SYNE2: variants seen among roughly 807,000 people sequenced by gnomAD.
The protein encoded by SYNE2 is spectrin repeat containing nuclear envelope protein 2, also known as nesprin-2.
Under a neutral mutation model 856.3 loss-of-function variants are expected in SYNE2, and 431 were observed. The observed-to-expected ratio is 0.50, with a 90% confidence interval of 0.47 to 0.55. The LOEUF is 0.55. Among genes scored for constraint, SYNE2 ranks in the 20% least tolerant of loss-of-function variants. SYNE2 has a pLI of 0.00. For missense variants in SYNE2, 8,129 were observed against 8,023.2 expected, an observed-to-expected ratio of 1.01 and a Z score of -0.50; for synonymous variants, 2,923 against 2,872.3, an observed-to-expected ratio of 1.02 and a Z score of -0.56.
At chr14:63,957,072 G>A (rs2096249488) in intron 8 of SYNE2, among the ~76,000 whole-genome samples, 2 of 150,964 alleles carry the variant, frequency 1.3e-5, no homozygotes, top group Non-Finnish European at 2.9e-5. Context: ...TTAGCAAAAT[G>A]TCTGCAAGGT....
chr14:63,882,110 A>AGGAAGTG (rs2094879187), intron 1 of SYNE2, among the ~76,000 whole-genome samples: 1 of 152,148 alleles, frequency 6.6e-6, no homozygotes, highest in Admixed American at 6.6e-5. Flanking sequence ...GTAATAGCAG[A>AGGAAGTG]GGAAGTGGAA....
chr14:63,950,117 C>G, intron 7 of SYNE2, 111 bp downstream of exon 7: 2 of 1,202,362 alleles, frequency 1.7e-6, no homozygotes, highest in Admixed American at 1.7e-5. Flanking sequence ...CACTATCCCC[C>G]TTCCTCTCTG....
At chr14:64,190,802 A>G (rs2098514680) in intron 99 of SYNE2, 2 of 664,690 alleles carry the variant, frequency 3.0e-6, no homozygotes, top group South Asian at 3.3e-5. Flanking sequence ...CACAAATCAA[A>G]GCTATATTGG....
At chr14:64,165,584 C>G (rs2098371528) in intron 90 of SYNE2, among the ~76,000 whole-genome samples, 174 bp downstream of exon 90, 1 of 151,426 alleles carries the variant, frequency 6.6e-6, no homozygotes, top group Non-Finnish European at 1.5e-5. Flanking sequence ...ACGATCTCGG[C>G]TCACTGCAAC....
At chr14:64,165,518 ATT>A (rs772613295) in intron 90 of SYNE2, 108 bp downstream of exon 90, 255 of 1,036,018 alleles carry the variant, frequency 2.5e-4, no homozygotes, top group Non-Finnish European at 2.8e-4. Flanking sequence ...ACTCACTCTT[ATT>A]TTTTTTTTTT....
intron 8 of SYNE2, among the ~76,000 whole-genome samples, chr14:63,958,885 A>T (rs557002132): frequency 1.3e-4 from 20 of 152,328 alleles, no homozygotes; most frequent in Non-Finnish European, 2.1e-4. Flanking sequence ...TCAATTTTTT[A>T]AAAAGTCCTC....
In SYNE2 at chr14:64,031,305, C is replaced by T. The variant is rs763502918; in HGVS notation, c.7169C>T (p.Thr2390Ile). Reference sequence around the variant, plus strand: ...GCCACTTCTGATGTGCAGGAGTCTACTCAGGAATCAGCTGCAGTGGAAAAG... The same window carrying T: ...GCCACTTCTGATGTGCAGGAGTCTATTCAGGAATCAGCTGCAGTGGAAAAG... Reference protein sequence around the residue: ...KQATSDVQESTQESAAVEKLE... With the variant: ...KQATSDVQESIQESAAVEKLE... The change falls in exon 45 of 116, where the codon ACT becomes ATT. Residue 2390 changes from threonine (T) to isoleucine (I), a missense_variant. Physicochemically the swap from Thr to Ile is moderately conservative, Grantham distance 89. This residue lies in a region of SYNE2 where 297 missense variants were observed against 380.9 expected (regional missense o/e 0.78). Transcript: ENST00000555002. 8.7e-6 allele frequency: 14 copies of T among 1,614,124 alleles called. No homozygotes were observed. Among genetic ancestry groups the T allele is most frequent in the Non-Finnish European group, 2.5e-6 (3 of 1,180,028 alleles).
intron 83 of SYNE2, 38 bp downstream of exon 83, chr14:64,143,986 C>G: frequency 6.2e-7 from 1 of 1,611,194 alleles, no homozygotes; most frequent in East Asian, 2.2e-5. Context: ...GTGGTTTGAC[C>G]TTTATGAAAC....
Position 64,087,797 on chromosome 14 carries a change from GT to G in SYNE2, c.11612del (p.Val3871GlufsTer8). 1.2e-6 allele frequency: 2 copies of G among 1,614,100 alleles called. No individual in the cohort carries two copies. The highest frequency in any genetic ancestry group is 1.7e-6 in the Non-Finnish European group (2 of 1,180,000). The part of the protein sequence containing the change: ...TQSIQELSNQ[V>X]TALQQKIMES... ...ATCCATACAAGAGTTAAGTAATCAAGTAACAGCTTTACAACAAAAAATAATG... is the reference window on the plus strand; with the variant it reads ...ATCCATACAAGAGTTAAGTAATCAAGAACAGCTTTACAACAAAAAATAATG... On this transcript the variant is annotated frameshift_variant, in exon 58 of 116. Coordinates refer to ENST00000555002, the MANE Select transcript of SYNE2 (RefSeq NM_182914.3). LOFTEE classifies it high-confidence loss of function.
intron 30 of SYNE2, among the ~76,000 whole-genome samples, chr14:64,004,637 C>T (rs1241142947): frequency 6.6e-6 from 1 of 152,128 alleles, no homozygotes; most frequent in South Asian, 2.1e-4. Flanking sequence ...GCCTCTTCCC[C>T]CCTTTCTAAA....
Position 64,220,330 on chromosome 14 carries a change from CG to C in SYNE2, c.19861-106del, listed in dbSNP as rs968238448. ...GCGAGGTCACTCTCATTTCTGTGGC[CG>C]CAGCTTGGAAAAGTGTGTGGAAAAT... On this transcript the variant is annotated intron_variant, in intron 110 of 115. Coordinates refer to ENST00000555002, the MANE Select transcript of SYNE2 (RefSeq NM_182914.3). The C allele has an allele frequency of 1.3e-5, 16 of 1,237,240 alleles. No homozygotes were observed. In the African/African-American group the frequency reaches 2.1e-4, roughly 16 times the overall value. The allele number at this position is 1,237,240 out of a possible 1,614,324, so 76.6% of individuals were successfully genotyped here. A position where few individuals can be genotyped will look rare whatever the true frequency, so the allele number is the denominator to read the frequency against.
rs2098511174 is a variant in SYNE2, at chr14:64,190,097, T to G, written c.17898T>G (p.Phe5966Leu). ...QKDCMEEINLFSENKLQLKQM... is the reference protein window; with the variant it reads ...QKDCMEEINLLSENKLQLKQM... ...ACTGCATGGAAGAAATAAACTTGTTTAGTGAAAACAAGTTACAGTTAAAGC... is the reference window on the plus strand; with the variant it reads ...ACTGCATGGAAGAAATAAACTTGTTGAGTGAAAACAAGTTACAGTTAAAGC... The change falls in exon 99 of 116, where the codon TTT becomes TTG. Residue 5966 changes from phenylalanine (F) to leucine (L), a missense_variant. This residue lies in a region of SYNE2 where 5,410 missense variants were observed against 5,284.8 expected (regional missense o/e 1.02). Coordinates refer to ENST00000555002, the MANE Select transcript of SYNE2 (RefSeq NM_182914.3). 2 of 1,614,098 alleles carry G rather than the reference T, an allele frequency of 1.2e-6. No homozygotes were observed. Among genetic ancestry groups the G allele is most frequent in the East Asian group, 4.5e-5 (2 of 44,890 alleles).
At chr14:63,793,810 T>G (rs1887824942) in intron 1 of SYNE2, among the ~76,000 whole-genome samples, 1 of 151,056 alleles carries the variant, frequency 6.6e-6, no homozygotes, top group Non-Finnish European at 1.5e-5. Context: ...TGGTGGCACA[T>G]GCCTTTGGTC....
intron 41 of SYNE2, 69 bp downstream of exon 41, chr14:64,025,490 C>T: frequency 6.8e-7 from 1 of 1,460,814 alleles, no homozygotes; most frequent in South Asian, 1.2e-5. Flanking sequence ...TAGAGGAAAA[C>T]TGTAAAGATG....
chr14:63,797,261 TG>T (rs1887953863), intron 1 of SYNE2, among the ~76,000 whole-genome samples: 1 of 150,898 alleles, frequency 6.6e-6, no homozygotes, highest in Non-Finnish European at 1.5e-5. Flanking sequence ...CATGGTGGCG[TG>T]TGCCCGTAAA....
chr14:63,832,866 C>CAAAA (rs36099684), intron 1 of SYNE2, among the ~76,000 whole-genome samples: 19 of 64,730 alleles, frequency 2.9e-4, no homozygotes, highest in African/African-American at 1.0e-3. Flanking sequence ...CTGTCTCTAC[C>CAAAA]AAAAAAAAAA....
chr14:64,004,792 A>G (rs1023861428), intron 30 of SYNE2, among the ~76,000 whole-genome samples: 1 of 152,126 alleles, frequency 6.6e-6, no homozygotes, highest in Non-Finnish European at 1.5e-5. Flanking sequence ...GCTCAATGAT[A>G]CTTTCATTCT....
At chr14:63,779,083 G>T (rs1281612809) in intron 1 of SYNE2, among the ~76,000 whole-genome samples, 1 of 152,042 alleles carries the variant, frequency 6.6e-6, no homozygotes, top group Non-Finnish European at 1.5e-5. Context: ...ACATTGGGAG[G>T]TTGAGGTGGG....
chr14:63,988,109 G>A (rs924167340), intron 19 of SYNE2, among the ~76,000 whole-genome samples: 1 of 151,630 alleles, frequency 6.6e-6, no homozygotes, highest in South Asian at 2.1e-4. Flanking sequence ...TTTGAGACAG[G>A]GTTCTGCTCT....
Sources: gnomAD v4.1 joint callset for allele counts (sites outside exome capture counted in the v4.1 genomes callset) on GRCh38, gnomAD v4.1.1 for gene constraint, gnomAD v4.1.1 regional missense constraint, MANE v1.5 for transcripts, NCBI Gene and HGNC (gene_info 2026-07-23, HGNC 2026-07-21) for gene names.